MYO18B: variants seen among roughly 807,000 people sequenced by gnomAD.
The protein encoded by MYO18B is unconventional myosin-XVIIIb.
MYO18B carries 204 observed loss-of-function variants against 273.0 expected under a neutral mutation model. The ratio of observed to expected loss-of-function variants is 0.75; its 90% CI spans 0.67 to 0.84. The LOEUF is 0.84. MYO18B is among the 40% of genes least tolerant of loss of function. The pLI is 0.00. For synonymous variants in MYO18B, 1,330 were observed against 1,305.7 expected (o/e 1.02, Z -0.40); for missense variants, 3,212 against 3,287.6 (o/e 0.98, Z 0.56).
Position 25,828,901 on chromosome 22 carries a change from C to T in MYO18B, c.2912C>T (p.Ala971Val). 2.5e-6 allele frequency: 4 copies of T among 1,614,018 alleles called. 1 individual carries two copies. The South Asian group carries it at 4.4e-5, about 18-fold the overall frequency. Residue 971 changes from alanine (A) to valine (V), a missense_variant, in exon 15 of 44, where the codon GCC becomes GTC. Physicochemically the swap from Ala to Val is moderately conservative, Grantham distance 64. Coordinates refer to ENST00000335473, the MANE Select transcript of MYO18B (RefSeq NM_032608.7). ...ATFEELCHNY[A>V]HERLQLLFYQ... is the part of the protein sequence containing the mutation. ...TTTGAGGAGCTGTGCCACAACTACGCCCATGAGCGCCTGCAGCTGCTGTTC... is the reference window on the plus strand; with the variant it reads ...TTTGAGGAGCTGTGCCACAACTACGTCCATGAGCGCCTGCAGCTGCTGTTC...
chr22:25,822,044 C>T (rs2089301144), intron 12 of MYO18B, among the ~76,000 whole-genome samples: 1 of 152,162 alleles, frequency 6.6e-6, no homozygotes, highest in African/African-American at 2.4e-5. Context: ...ATGGTATGCA[C>T]AGTCTTCACT....
chr22:26,001,278 C>A (rs543265735), intron 40 of MYO18B, among the ~76,000 whole-genome samples: 1 of 152,254 alleles, frequency 6.6e-6, no homozygotes, highest in Non-Finnish European at 1.5e-5. Context: ...AAGACAAACT[C>A]TAAATGAAGA....
rs1302262505 is a variant in MYO18B at position 25,761,081 on chromosome 22, C to A, written c.-12C>A. 6.2e-7 allele frequency: 1 copy of A among 1,613,462 alleles called. No individual in the cohort carries two copies. Among genetic ancestry groups the A allele is most frequent in the Middle Eastern group, 1.6e-4 (1 of 6,062 alleles). ...TCATCTCATCATCTCACGGCCCTGG[C>A]ACTGCCTCAGCATGGCCATCTCATC... is the stretch of plus-strand genomic sequence containing the variant. On this transcript the variant is annotated 5_prime_UTR_variant, in exon 2 of 44. Coordinates refer to ENST00000335473, the MANE Select transcript of MYO18B (RefSeq NM_032608.7).
intron 35 of MYO18B, among the ~76,000 whole-genome samples, chr22:25,947,149 G>A (rs995887578): frequency 2.7e-5 from 4 of 150,898 alleles, no homozygotes; most frequent in Admixed American, 1.3e-4. Flanking sequence ...GCGCACACGT[G>A]TATACACAGG....
At chr22:25,944,724 G>C (rs1238666026) in intron 34 of MYO18B, among the ~76,000 whole-genome samples, 3 of 151,986 alleles carry the variant, frequency 2.0e-5, no homozygotes, top group East Asian at 3.9e-4. Flanking sequence ...GCAGGCGCCT[G>C]TAGTCCCAGC....
intron 9 of MYO18B, among the ~76,000 whole-genome samples, chr22:25,780,913 A>G (rs1174107643): frequency 1.3e-5 from 2 of 152,102 alleles, no homozygotes; most frequent in African/African-American, 2.4e-5. Context: ...GTTTGTTCCT[A>G]TCTCCAAAAT....
In MYO18B at chr22:25,902,619, C is replaced by G; in HGVS notation, c.4830C>G (p.Asp1610Glu). ...CGTGCTCTGCTTTGCACAGGTTTGA[C>G]CTGCAGCTGGCCCAGGCCCTAGGTG... ...HELEKKQKKF[D>E]LQLAQALGES... Residue 1610 changes from aspartate to glutamate, a missense_variant, in exon 30 of 44, where the codon GAC (aspartate) becomes GAG (glutamate). By Grantham distance (45) the Asp-to-Glu change is conservative (BLOSUM62 2). Transcript: ENST00000335473. The G allele has an allele frequency of 6.2e-7, 1 of 1,606,912 alleles. No homozygotes were observed.
At chr22:25,927,685 C>T (rs1452427009) in intron 34 of MYO18B, among the ~76,000 whole-genome samples, 2 of 152,272 alleles carry the variant, frequency 1.3e-5, no homozygotes, top group African/African-American at 4.8e-5. Flanking sequence ...CCTTTTGAAA[C>T]TCCCTAATAA....
At chr22:25,900,875 A>G (rs1427114272) in intron 29 of MYO18B, 1 of 152,244 alleles carries the variant, frequency 6.6e-6, no homozygotes, top group African/African-American at 2.4e-5. Context: ...CTAAGACATT[A>G]GGGAAGCCCA....
At position 25,962,897 on chromosome 22, in the gene MYO18B, C is replaced by T. The variant is rs187795076; in HGVS notation, c.6156+7533C>T. On this transcript the variant is annotated intron_variant, in intron 39 of 43. Coordinates refer to ENST00000335473, the MANE Select transcript of MYO18B (RefSeq NM_032608.7). Reference sequence around the variant, plus strand: ...TGTGTGTCAGGCAATGTCCAGGTTGCCGGAGAGTCAGAGAGAAACCAGTTA... The same window carrying T: ...TGTGTGTCAGGCAATGTCCAGGTTGTCGGAGAGTCAGAGAGAAACCAGTTA... 3.9e-5 allele frequency among the ~76,000 whole-genome samples: 6 copies of T among 152,276 alleles called. No individual in the cohort carries two copies. The East Asian group carries it at 1.2e-3, about 29-fold the overall frequency.
In MYO18B at chr22:25,815,631, C is replaced by T. The variant is rs545449343; in HGVS notation, c.2522-7874C>T. On this transcript the variant is annotated intron_variant, in intron 12 of 43. Coordinates refer to ENST00000335473, the MANE Select transcript of MYO18B (RefSeq NM_032608.7). ...CCAGTTCTTTCCACAATTCCCACCA[C>T]CTCAAAGATGCCTCCTTATCCATCT... 4.8e-4 allele frequency among the ~76,000 whole-genome samples: 73 copies of T among 152,324 alleles called. 1 individual carries two copies. In the South Asian group the frequency reaches 0.015, roughly 31 times the overall value.
chr22:25,941,498 C>T (rs755133522), intron 34 of MYO18B, among the ~76,000 whole-genome samples: 4 of 152,200 alleles, frequency 2.6e-5, no homozygotes, highest in African/African-American at 4.8e-5. Context: ...GCCAGTGTTG[C>T]GCCACTGAAG....
intron 34 of MYO18B, among the ~76,000 whole-genome samples, chr22:25,933,013 T>C (rs2092529252): frequency 6.6e-6 from 1 of 152,166 alleles, no homozygotes; most frequent in African/African-American, 2.4e-5. Context: ...TATCTCCCAA[T>C]TTAGGATCCA....
Position 25,847,443 on chromosome 22 carries a change from G to A in MYO18B, c.3566G>A (p.Ser1189Asn), listed in dbSNP as rs1257904377. 8 of 1,570,372 alleles carry A rather than the reference G, an allele frequency of 5.1e-6. No homozygotes were observed. Among genetic ancestry groups the A allele is most frequent in the Non-Finnish European group, 6.9e-6 (8 of 1,157,416 alleles). ...TATTTGGTCTAGGATGCGCTGACCA[G>A]CATGATCAAAAGGTCCCGGCTGCAC... ...QIKLQMDALT[S>N]MIKRSRLHFI... The change falls in exon 20 of 44, where the codon AGC (serine) becomes AAC (asparagine). Residue 1189 changes from serine to asparagine, a missense_variant. Coordinates refer to ENST00000335473, the MANE Select transcript of MYO18B (RefSeq NM_032608.7).
intron 39 of MYO18B, among the ~76,000 whole-genome samples, chr22:25,979,251 G>A (rs534723555): frequency 1.9e-4 from 29 of 152,288 alleles, no homozygotes; most frequent in African/African-American, 6.0e-4. Flanking sequence ...GTCAAAGGTG[G>A]CTTAGTAATT....
At position 25,862,121 on chromosome 22, in the gene MYO18B, T is replaced by C. The variant is rs151280712; in HGVS notation, c.3886-6199T>C. ...TTTACATTCTATTAGGTATTATAAG[T>C]AATCTAGAGATAAAGTATACAGAAG... On this transcript the variant is annotated intron_variant, in intron 21 of 43. Coordinates refer to ENST00000335473, the MANE Select transcript of MYO18B (RefSeq NM_032608.7). Among the ~76,000 whole-genome samples, 35 of 152,316 alleles carry C rather than the reference T, an allele frequency of 2.3e-4. No individual in the cohort carries two copies. In the East Asian group the frequency reaches 6.2e-3, roughly 27 times the overall value.
rs1469754359 is a variant in MYO18B at position 26,027,690 on chromosome 22, G to A, written c.*12G>A. The A allele has an allele frequency of 1.3e-6, 2 of 1,598,130 alleles. No individual in the cohort carries two copies. The highest frequency in any genetic ancestry group is 1.7e-5 in the Admixed American group (1 of 58,402). On this transcript the variant is annotated splice_region_variant and 3_prime_UTR_variant, in exon 43 of 44. Transcript: ENST00000335473. This position sits in a 1 kb window ranked among gnomAD's most constrained non-coding sequence, Gnocchi z 4.1. ...ACCTCCAGAAGTAGGAACCAGTTCA[G>A]GTAAAAGCAACAGGCTGGGGCTATT...
At chr22:25,774,749 G>C (rs1398890054) in intron 7 of MYO18B, among the ~76,000 whole-genome samples, 3 of 152,190 alleles carry the variant, frequency 2.0e-5, no homozygotes. Flanking sequence ...GGCTGGGTGG[G>C]GTCTGGACAC....
chr22:25,911,566 G>A (rs1302024717), intron 33 of MYO18B, among the ~76,000 whole-genome samples: 1 of 152,190 alleles, frequency 6.6e-6, no homozygotes, highest in Non-Finnish European at 1.5e-5. Context: ...CTGTCCATCA[G>A]TGTACACCAG....
Sources: gnomAD v4.1 joint callset for allele counts (sites outside exome capture counted in the v4.1 genomes callset) on GRCh38, gnomAD v4.1.1 for gene constraint, Gnocchi (gnomAD v3.1) non-coding constraint, MANE v1.5 for transcripts, NCBI Gene and HGNC (gene_info 2026-07-23, HGNC 2026-07-21) for gene names.